LDAH: variants seen among roughly 807,000 people sequenced by gnomAD.
LDAH encodes the protein lipid droplet-associated hydrolase.
LDAH carries 26 observed loss-of-function variants against 29.6 expected under a neutral mutation model. That is an observed-to-expected ratio of 0.88 (90% CI 0.64 to 1.22). The LOEUF (loss-of-function observed/expected upper bound fraction) is 1.22, where lower values mean the gene tolerates loss of function less well. Ranked by LOEUF, LDAH falls within the 50% of genes most tolerant of loss-of-function variation. The pLI, the probability that LDAH is intolerant of heterozygous loss-of-function variation, is 0.00. For synonymous variants in LDAH, 117 were observed against 133.0 expected (o/e 0.88, Z 0.83); for missense variants, 344 against 387.3 (o/e 0.89, Z 0.94).
intron 4 of LDAH, among the ~76,000 whole-genome samples, chr2:20,756,095 G>A (rs1668321741): frequency 6.6e-6 from 1 of 151,686 alleles, no homozygotes; most frequent in African/African-American, 2.4e-5. Flanking sequence ...GTAGTGGCGC[G>A]GTCTTGGCTC....
At chr2:20,785,561 T>C (rs114005774) in intron 3 of LDAH, among the ~76,000 whole-genome samples, 1 of 152,372 alleles carries the variant, frequency 6.6e-6, no homozygotes, top group African/African-American at 2.4e-5. Flanking sequence ...CTGAGATTCC[T>C]AGACCTGTGT....
At chr2:20,687,916 T>A (rs930140292) in intron 6 of LDAH, among the ~76,000 whole-genome samples, 1 of 152,354 alleles carries the variant, frequency 6.6e-6, no homozygotes, top group African/African-American at 2.4e-5. Context: ...AACTAAATCT[T>A]AAGGATCCTT....
At chr2:20,737,676 T>C (rs918811297) in intron 5 of LDAH, among the ~76,000 whole-genome samples, 2 of 152,154 alleles carry the variant, frequency 1.3e-5, no homozygotes, top group Non-Finnish European at 2.9e-5. Flanking sequence ...GTTGAGGGTT[T>C]GTGACTTCCT....
intron 1 of LDAH, among the ~76,000 whole-genome samples, chr2:20,812,303 CCT>C (rs966294765): frequency 1.3e-5 from 2 of 152,178 alleles, no homozygotes; most frequent in South Asian, 2.1e-4. Context: ...TCTCCTATTC[CCT>C]GTCCCCAAAG....
intron 5 of LDAH, among the ~76,000 whole-genome samples, chr2:20,727,311 T>G (rs1417692614): frequency 6.6e-6 from 1 of 152,222 alleles, no homozygotes; most frequent in Non-Finnish European, 1.5e-5. Flanking sequence ...CATGAGAGTC[T>G]GGTTTCGTCT....
At chr2:20,796,708 C>T (rs920219281) in intron 2 of LDAH, among the ~76,000 whole-genome samples, 1 of 152,202 alleles carries the variant, frequency 6.6e-6, no homozygotes, top group African/African-American at 2.4e-5. Context: ...AACCCCCAGA[C>T]TTTCTGGTTC....
chr2:20,811,048 C>A (rs1008469581), intron 1 of LDAH, among the ~76,000 whole-genome samples: 25 of 151,226 alleles, frequency 1.7e-4, no homozygotes, highest in African/African-American at 5.8e-4. Flanking sequence ...GACGGAGTCC[C>A]GCTCTCTCGC....
At chr2:20,739,164 G>A (rs1667007653) in intron 5 of LDAH, among the ~76,000 whole-genome samples, 1 of 152,144 alleles carries the variant, frequency 6.6e-6, no homozygotes, top group Admixed American at 6.5e-5. Flanking sequence ...AGGAACACAG[G>A]TAAAAGCTTA....
chr2:20,732,632 A>G (rs1666489369), intron 5 of LDAH, among the ~76,000 whole-genome samples: 1 of 152,184 alleles, frequency 6.6e-6, no homozygotes, highest in South Asian at 2.1e-4. Flanking sequence ...ACATTTGAAG[A>G]ATTGGTTTAT....
chr2:20,773,469 C>T (rs1043452182), intron 4 of LDAH, among the ~76,000 whole-genome samples: 1 of 151,908 alleles, frequency 6.6e-6, no homozygotes, highest in African/African-American at 2.4e-5. Context: ...ACTTCGAAGG[C>T]ACAAAAGAGA....
intron 4 of LDAH, among the ~76,000 whole-genome samples, chr2:20,753,958 T>C (rs148591704): frequency 5.9e-5 from 9 of 152,288 alleles, no homozygotes; most frequent in South Asian, 2.1e-4. Flanking sequence ...TGCTGATAAA[T>C]ACATATATAC....
At chr2:20,753,482 C>T (rs112210182) in intron 4 of LDAH, among the ~76,000 whole-genome samples, 2,102 of 152,314 alleles carry the variant, frequency 0.014, 45 homozygotes, top group African/African-American at 0.048. Context: ...GATTTTACAA[C>T]ATACAAAATA....
intron 4 of LDAH, among the ~76,000 whole-genome samples, chr2:20,760,465 G>T (rs1324462940): frequency 6.6e-6 from 1 of 152,188 alleles, no homozygotes; most frequent in Non-Finnish European, 1.5e-5. Flanking sequence ...AGCTTAGCTG[G>T]GTTCTCTGCT....
At chr2:20,739,821 A>AAT in intron 5 of LDAH, 150 bp downstream of exon 5, 1 of 597,794 alleles carries the variant, frequency 1.7e-6, no homozygotes, top group South Asian at 2.3e-5. Context: ...TCTATTTCTA[A>AAT]TTTTATTTAT....
chr2:20,730,166 G>A (rs1356457662), intron 5 of LDAH, among the ~76,000 whole-genome samples: 1 of 152,130 alleles, frequency 6.6e-6, no homozygotes, highest in Admixed American at 6.5e-5. Flanking sequence ...TTATCAAGTA[G>A]AATTCCATGG....
downstream of LDAH, among the ~76,000 whole-genome samples, chr2:20,682,652 T>C (rs189013479): frequency 1.8e-4 from 28 of 152,270 alleles, no homozygotes; most frequent in Non-Finnish European, 1.2e-4. Context: ...CAGCCTAATA[T>C]TGTGGCTTTT....
At chr2:20,691,097 A>G (rs1423784806) in intron 6 of LDAH, among the ~76,000 whole-genome samples, 1 of 152,148 alleles carries the variant, frequency 6.6e-6, no homozygotes, top group Non-Finnish European at 1.5e-5. Flanking sequence ...AAACCTGACA[A>G]CTGGCAGGTC....
chr2:20,767,555 C>A (rs960860259), intron 4 of LDAH, among the ~76,000 whole-genome samples: 1 of 152,228 alleles, frequency 6.6e-6, no homozygotes, highest in Non-Finnish European at 1.5e-5. Flanking sequence ...CCTGCAGGTG[C>A]CCCTTGGCAC....
chr2:20,737,146 T>A (rs113933805), intron 5 of LDAH, among the ~76,000 whole-genome samples: 1 of 152,090 alleles, frequency 6.6e-6, no homozygotes, highest in Non-Finnish European at 1.5e-5. Context: ...ATCTAGGATA[T>A]ATGTGGTAAA....
Sources: allele counts gnomAD v4.1 joint callset (sites outside exome capture counted in the v4.1 genomes callset), GRCh38; gene constraint gnomAD v4.1.1; transcripts MANE v1.5; gene names NCBI Gene and HGNC (gene_info 2026-07-23, HGNC 2026-07-21).